DYNAP: variants seen among roughly 807,000 people sequenced by gnomAD.
DYNAP encodes dynactin-associated protein.
Under a neutral mutation model 8.5 loss-of-function variants are expected in DYNAP, and 7 were observed. The observed-to-expected ratio is 0.82, with a 90% CI of 0.47 to 1.54. The LOEUF (loss-of-function observed/expected upper bound fraction) is 1.54. Among genes scored for constraint, DYNAP ranks in the 40% most tolerant of loss-of-function variants. The probability of loss-of-function intolerance (pLI) is 0.01; values close to 1 mark genes in which losing one functional copy is unlikely to be tolerated. For missense variants in DYNAP, 256 were observed against 224.3 expected (o/e 1.14, Z -0.90); for synonymous variants, 77 against 77.9 (o/e 0.99, Z 0.06).
upstream of DYNAP, among the ~76,000 whole-genome samples, chr18:54,585,118 G>T (rs1490560927): frequency 6.6e-6 from 1 of 151,996 alleles, no homozygotes; most frequent in Non-Finnish European, 1.5e-5. Flanking sequence ...CAGGTGTGAG[G>T]GTGCAATCCT....
Position 54,597,934 on chromosome 18 carries a change from C to T in DYNAP, c.344C>T (p.Ser115Leu), listed in dbSNP as rs760155446. Residue 115 changes from serine (S) to leucine (L), a missense_variant, in exon 3 of 3, where the codon TCG becomes TTG. Coordinates refer to ENST00000648945, the MANE Select transcript of DYNAP (RefSeq NM_173629.3). ...ATATGCTTGGTGAATAACAAAGGAT[C>T]GGCCAATTCCTCCATTGTTATCCAG... ...LIICLVNNKG[S>L]ANSSIVIQLS... 28 of 1,613,502 alleles carry T rather than the reference C, an allele frequency of 1.7e-5. No homozygotes were observed. The highest frequency in any genetic ancestry group is 3.3e-5 in the Admixed American group (2 of 59,894).
upstream of DYNAP, among the ~76,000 whole-genome samples, chr18:54,586,416 TG>T (rs1910881260): frequency 6.6e-6 from 1 of 152,180 alleles, no homozygotes; most frequent in Non-Finnish European, 1.5e-5. Context: ...TGCTAAATTC[TG>T]TGTTATTTAG....
chr18:54,594,898 GT>G, intron 1 of DYNAP, 40 bp from the exon 2 acceptor site: 1 of 1,569,728 alleles, frequency 6.4e-7, no homozygotes. Context: ...CAACACCATG[GT>G]TTCCTAGGCT....
intron 2 of DYNAP, among the ~76,000 whole-genome samples, chr18:54,595,524 T>G (rs1384372473): frequency 1.3e-5 from 2 of 152,134 alleles, no homozygotes; most frequent in Admixed American, 1.3e-4. Context: ...TCACCTTATT[T>G]TCTTACTCTG....
upstream of DYNAP, chr18:54,587,881 C>T (rs1395026263): frequency 2.5e-6 from 1 of 400,610 alleles, no homozygotes; most frequent in Non-Finnish European, 4.4e-6. Flanking sequence ...GTCATGAATT[C>T]CTAGTCGCTG....
At chr18:54,576,115 G>A in the DYNAP span, among the ~76,000 whole-genome samples, 1 of 152,144 alleles carries the variant, frequency 6.6e-6, no homozygotes, top group Non-Finnish European at 1.5e-5. Context: ...GTTTAATACT[G>A]TGCCATACTT....
upstream of DYNAP, among the ~76,000 whole-genome samples, chr18:54,589,797 C>A (rs955014269): frequency 1.3e-5 from 2 of 151,940 alleles, no homozygotes; most frequent in Admixed American, 6.6e-5. Context: ...TAAAAATATA[C>A]AATTAATATA....
Position 54,591,353 on chromosome 18 carries a change from CT to C in DYNAP, c.57+15del. 1 of 1,596,500 alleles carries C rather than the reference CT, an allele frequency of 6.3e-7. No homozygotes were observed. The highest frequency in any genetic ancestry group is 1.3e-5 in the African/African-American group (1 of 74,100). ...GAAAACCAGCCGGTGAGTGTCCTTGCTCCATTTTGATAGTTTGCCTATATTA... is the reference window on the plus strand; with the variant it reads ...GAAAACCAGCCGGTGAGTGTCCTTGCCCATTTTGATAGTTTGCCTATATTA... On this transcript the variant is annotated intron_variant, in intron 1 of 2. Coordinates refer to ENST00000648945, the MANE Select transcript of DYNAP (RefSeq NM_173629.3).
chr18:54,577,572 T>A, the DYNAP span, among the ~76,000 whole-genome samples: 2 of 127,252 alleles, frequency 1.6e-5, no homozygotes, highest in Non-Finnish European at 3.2e-5. Context: ...TGTAAGACCT[T>A]ATCTAAAAAA....
chr18:54,578,471 A>C, the DYNAP span, among the ~76,000 whole-genome samples: 1 of 152,264 alleles, frequency 6.6e-6, no homozygotes, highest in Admixed American at 6.5e-5. Context: ...CAGCCAACTA[A>C]AATATTACTC....
intron 2 of DYNAP, among the ~76,000 whole-genome samples, chr18:54,595,830 C>G (rs963431338): frequency 6.6e-5 from 10 of 152,104 alleles, no homozygotes; most frequent in Admixed American, 2.0e-4. Flanking sequence ...TCCTTCCTTT[C>G]GCTGCTTAGT....
chr18:54,596,549 G>T (rs1911298581), intron 2 of DYNAP, among the ~76,000 whole-genome samples: 1 of 152,166 alleles, frequency 6.6e-6, no homozygotes, highest in Non-Finnish European at 1.5e-5. Context: ...CTAGTGATGA[G>T]AATGACTGAT....
At chr18:54,595,250 C>G in intron 2 of DYNAP, 147 bp downstream of exon 2, 1 of 917,588 alleles carries the variant, frequency 1.1e-6, no homozygotes, top group Non-Finnish European at 1.5e-6. Flanking sequence ...AGTATAGGTA[C>G]AAGTCACTGT....
In DYNAP at chr18:54,594,767, A is replaced by G. The variant is rs570335763; in HGVS notation, c.58-172A>G. The stretch of plus-strand genomic sequence containing the variant: ...CTTTAGTAGCCTACCAAAATTAGTT[A>G]AAGTATAATATATAATAATCTGTCT... On this transcript the variant is annotated intron_variant, in intron 1 of 2. Transcript: ENST00000648945. 2.0e-5 allele frequency among the ~76,000 whole-genome samples: 3 copies of G among 152,298 alleles called. No individual in the cohort carries two copies. In the South Asian group the frequency reaches 6.2e-4, roughly 32 times the overall value.
upstream of DYNAP, among the ~76,000 whole-genome samples, chr18:54,589,336 C>T (rs1910984808): frequency 1.3e-5 from 2 of 152,124 alleles, no homozygotes; most frequent in South Asian, 2.1e-4. Flanking sequence ...CCTTTATTGG[C>T]GACTCTGAGA....
At chr18:54,597,044 A>G (rs1239087691) in intron 2 of DYNAP, among the ~76,000 whole-genome samples, 2 of 152,102 alleles carry the variant, frequency 1.3e-5, no homozygotes, top group Non-Finnish European at 2.9e-5. Flanking sequence ...TTCCTGGAAG[A>G]TCTTGCTTTC....
upstream of DYNAP, among the ~76,000 whole-genome samples, chr18:54,587,032 G>A (rs1217043553): frequency 6.6e-6 from 1 of 152,046 alleles, no homozygotes; most frequent in Non-Finnish European, 1.5e-5. Context: ...GTACAGAGAG[G>A]AAAAATATGT....
At chr18:54,575,817 AC>A in the DYNAP span, among the ~76,000 whole-genome samples, 5 of 152,026 alleles carry the variant, frequency 3.3e-5, no homozygotes, top group Admixed American at 2.6e-4. Context: ...ACACACACAC[AC>A]GCACACATGC....
chr18:54,576,037 A>G, the DYNAP span, among the ~76,000 whole-genome samples: 1 of 152,218 alleles, frequency 6.6e-6, no homozygotes, highest in Non-Finnish European at 1.5e-5. Flanking sequence ...AAACATAGTG[A>G]ATTAACATGC....
Sources: gnomAD v4.1 joint callset for allele counts (sites outside exome capture counted in the v4.1 genomes callset) on GRCh38, gnomAD v4.1.1 for gene constraint, MANE v1.5 for transcripts, NCBI Gene and HGNC (gene_info 2026-07-23, HGNC 2026-07-21) for gene names.